Variants in EPHA6 observed in about 807,000 individuals in gnomAD.
EPHA6 encodes the protein EPH receptor A6.
Under a neutral mutation model 112.0 loss-of-function variants are expected in EPHA6, and 50 were observed. That is an observed-to-expected ratio of 0.45 (90% CI 0.36 to 0.56). EPHA6 has a LOEUF of 0.56. Ranked by LOEUF, EPHA6 falls within the 20% of genes least tolerant of loss-of-function variation. The probability of loss-of-function intolerance (pLI) is 0.00; values close to 1 mark genes in which losing one functional copy is unlikely to be tolerated. For missense variants in EPHA6, 1,280 were observed against 1,417.4 expected (o/e 0.90, Z 1.56); for synonymous variants, 529 against 490.7 (o/e 1.08, Z -1.03).
At chr3:97,298,195 T>C (rs981636963) in intron 5 of EPHA6, among the ~76,000 whole-genome samples, 3 of 152,220 alleles carry the variant, frequency 2.0e-5, no homozygotes, top group Non-Finnish European at 4.4e-5. Context: ...CAAAACATGA[T>C]ATTTCCATTC....
chr3:97,207,555 T>C (rs764687536), intron 3 of EPHA6, among the ~76,000 whole-genome samples: 1 of 152,276 alleles, frequency 6.6e-6, no homozygotes, highest in South Asian at 2.1e-4. Flanking sequence ...TATGTTCCAA[T>C]TTATGGAAAT....
chr3:97,575,177 TGTG>T (rs1195451255), intron 11 of EPHA6, among the ~76,000 whole-genome samples: 18 of 152,162 alleles, frequency 1.2e-4, no homozygotes, highest in African/African-American at 4.3e-4. Context: ...GATATAGACT[TGTG>T]GTACACTATT....
At chr3:97,168,748 A>T (rs898788073) in intron 3 of EPHA6, among the ~76,000 whole-genome samples, 1 of 152,084 alleles carries the variant, frequency 6.6e-6, no homozygotes, top group African/African-American at 2.4e-5. Flanking sequence ...TGGTCAGCTC[A>T]TTAAGACCCT....
chr3:97,707,448 A>G (rs2033739127), intron 14 of EPHA6, among the ~76,000 whole-genome samples: 5 of 152,236 alleles, frequency 3.3e-5, no homozygotes. Context: ...ATAGGCAGGC[A>G]TAAGAGGAAT....
chr3:97,048,263 A>G (rs2045576273), intron 3 of EPHA6, among the ~76,000 whole-genome samples: 1 of 152,202 alleles, frequency 6.6e-6, no homozygotes, highest in Admixed American at 6.5e-5. Flanking sequence ...CACTAAGAAT[A>G]TAGTAGTTGG....
chr3:97,546,129 C>T (rs1475834085), intron 11 of EPHA6, among the ~76,000 whole-genome samples: 3 of 152,116 alleles, frequency 2.0e-5, no homozygotes, highest in Non-Finnish European at 2.9e-5. Context: ...GGTTATTTTG[C>T]TCATTAGTTG....
chr3:97,327,653 C>A (rs2108805826), intron 5 of EPHA6, among the ~76,000 whole-genome samples: 1 of 151,888 alleles, frequency 6.6e-6, no homozygotes, highest in African/African-American at 2.4e-5. Context: ...TAAATACTGG[C>A]AAACATTAAA....
chr3:97,451,743 C>T (rs1358182714), intron 7 of EPHA6, among the ~76,000 whole-genome samples: 1 of 151,952 alleles, frequency 6.6e-6, no homozygotes, highest in South Asian at 2.1e-4. Flanking sequence ...TCCCAATTGA[C>T]GGCATCCATC....
chr3:97,459,174 G>C (rs552271438), intron 7 of EPHA6, among the ~76,000 whole-genome samples: 26 of 152,348 alleles, frequency 1.7e-4, no homozygotes, highest in African/African-American at 4.8e-4. Context: ...CTGTGCAAGT[G>C]TAGAGATCAA....
At chr3:97,273,652 C>T (rs1217606113) in intron 5 of EPHA6, among the ~76,000 whole-genome samples, 2 of 152,116 alleles carry the variant, frequency 1.3e-5, no homozygotes, top group Non-Finnish European at 2.9e-5. Context: ...TCCATTCTAC[C>T]TTTCCTGAAG....
chr3:96,843,695 A>G (rs72931367), intron 1 of EPHA6, among the ~76,000 whole-genome samples: 6,644 of 152,070 alleles, frequency 0.044, 467 homozygotes, highest in African/African-American at 0.14. Flanking sequence ...TAAAATTATC[A>G]CTTGAATTGG....
chr3:97,269,708 C>A (rs576001750), intron 5 of EPHA6, among the ~76,000 whole-genome samples: 24 of 152,148 alleles, frequency 1.6e-4, no homozygotes, highest in African/African-American at 5.5e-4. Flanking sequence ...ATGAAAACAT[C>A]ATATAACTTT....
rs201575482 is a variant in EPHA6, at chr3:97,576,908, T to A, written c.2387-15704T>A. Among the ~76,000 whole-genome samples the A allele has an allele frequency of 8.5e-5, 13 of 152,288 alleles. No individual in the cohort carries two copies. The East Asian group carries it at 2.5e-3, about 29-fold the overall frequency. On this transcript the variant is annotated intron_variant, in intron 11 of 17. Transcript: ENST00000389672. ...ACATTTGCCTTTGTGGAAATTATAA[T>A]AATGGTGAGGTTGTGATAGCAAAAG...
intron 2 of EPHA6, among the ~76,000 whole-genome samples, chr3:96,908,643 T>C (rs1382154101): frequency 6.6e-6 from 1 of 151,944 alleles, no homozygotes; most frequent in Non-Finnish European, 1.5e-5. Context: ...CATTGTTAAC[T>C]GAGTGGGTTC....
intron 2 of EPHA6, among the ~76,000 whole-genome samples, chr3:96,868,026 T>A (rs773716903): frequency 7.9e-5 from 12 of 151,972 alleles, no homozygotes; most frequent in Non-Finnish European, 1.6e-4. Flanking sequence ...TAAACTAGGA[T>A]TATGCTTTTA....
At chr3:97,693,449 T>C (rs1435354051) in intron 14 of EPHA6, among the ~76,000 whole-genome samples, 1 of 152,234 alleles carries the variant, frequency 6.6e-6, no homozygotes, top group Non-Finnish European at 1.5e-5. Flanking sequence ...ATTAGGATGA[T>C]TTCATGAATG....
chr3:97,633,533 T>C (rs1369787628), intron 13 of EPHA6, among the ~76,000 whole-genome samples: 4 of 152,100 alleles, frequency 2.6e-5, no homozygotes, highest in Non-Finnish European at 5.9e-5. Context: ...TGAATTAATA[T>C]TTATCGAGTG....
intron 3 of EPHA6, among the ~76,000 whole-genome samples, chr3:97,195,767 A>C (rs1403671305): frequency 6.6e-6 from 1 of 151,990 alleles, no homozygotes; most frequent in Non-Finnish European, 1.5e-5. Context: ...ATACTATTTT[A>C]GGGTAAAAGT....
At chr3:97,091,953 G>T (rs1402803248) in intron 3 of EPHA6, among the ~76,000 whole-genome samples, 1 of 151,770 alleles carries the variant, frequency 6.6e-6, no homozygotes, top group African/African-American at 2.4e-5. Context: ...TGGAGGGGTT[G>T]GCGTTGTGGA....
Sources: gnomAD v4.1 joint callset for allele counts (sites outside exome capture counted in the v4.1 genomes callset) on GRCh38, gnomAD v4.1.1 for gene constraint, MANE v1.5 for transcripts, NCBI Gene and HGNC (gene_info 2026-07-23, HGNC 2026-07-21) for gene names.